The following PLCG2 variants were observed in gnomAD, a reference collection of about 807,000 sequenced individuals.
The protein encoded by PLCG2 is 1-phosphatidylinositol 4,5-bisphosphate phosphodiesterase gamma-2.
Under a neutral mutation model 175.6 loss-of-function variants are expected in PLCG2, and 69 were observed. The ratio of observed to expected loss-of-function variants is 0.39; its 90% confidence interval spans 0.32 to 0.48. The LOEUF is 0.48. Among genes scored for constraint, PLCG2 ranks in the 20% least tolerant of loss-of-function variants. PLCG2 has a pLI of 0.91. For missense variants in PLCG2, 1,798 were observed against 1,650.9 expected (o/e 1.09, Z -1.54); for synonymous variants, 827 against 624.0 (o/e 1.33, Z -4.85).
At chr16:81,844,143 ATTT>A (rs60183943) in intron 2 of PLCG2, among the ~76,000 whole-genome samples, 31 of 93,924 alleles carry the variant, frequency 3.3e-4, no homozygotes, top group Middle Eastern at 7.2e-3. Flanking sequence ...CACCCGGCTG[ATTT>A]TTTTTTTTTT....
rs189323331 is a variant in PLCG2 at position 81,807,058 on chromosome 16, A to G, written c.193+20876A>G. Among the ~76,000 whole-genome samples, 15 of 152,176 alleles carry G rather than the reference A, an allele frequency of 9.9e-5. No individual in the cohort carries two copies. In the East Asian group the frequency reaches 2.5e-3, roughly 25 times the overall value. ...GGCTTTCTCCTGAGTCGTCCATTCT[A>G]CCTTCTCGCCAAGGCTTCCTAGGTC... is the stretch of plus-strand genomic sequence containing the variant. On this transcript the variant is annotated intron_variant, in intron 2 of 32. Transcript: ENST00000564138.
In PLCG2 at chr16:81,859,150, A is replaced by T. The variant is rs1906834407; in HGVS notation, c.466A>T (p.Thr156Ser). 4 of 1,594,472 alleles carry T rather than the reference A, an allele frequency of 2.5e-6. No homozygotes were observed. Among genetic ancestry groups the T allele is most frequent in the Non-Finnish European group, 3.4e-6 (4 of 1,162,084 alleles). The change falls in exon 5 of 33, where the codon ACC becomes TCC. Residue 156 changes from threonine to serine, a missense_variant. Transcript: ENST00000564138. ...LRKQIYSVDQ[T>S]RRNSISLREL... Reference sequence around the variant, plus strand: ...AAAGCAGATATATTCTGTGGATCAAACCAGAAGAAACAGGTAAGAGTCATT... The same window carrying T: ...AAAGCAGATATATTCTGTGGATCAATCCAGAAGAAACAGGTAAGAGTCATT...
At chr16:81,844,143 A>ATTTTTTTTTTTTTTT (rs60183943) in intron 2 of PLCG2, among the ~76,000 whole-genome samples, 3 of 93,910 alleles carry the variant, frequency 3.2e-5, no homozygotes, top group Non-Finnish European at 6.0e-5. Flanking sequence ...CACCCGGCTG[A>ATTTTTTTTTTTTTTT]TTTTTTTTTT....
chr16:81,775,127 G>A (rs533535177), upstream of PLCG2, among the ~76,000 whole-genome samples: 2 of 152,184 alleles, frequency 1.3e-5, no homozygotes, highest in South Asian at 2.1e-4. Context: ...ACAGTACAGA[G>A]GCTTCAGCAC....
At chr16:81,823,628 C>T (rs571859710) in intron 2 of PLCG2, among the ~76,000 whole-genome samples, 4 of 152,100 alleles carry the variant, frequency 2.6e-5, no homozygotes, top group Admixed American at 2.0e-4. Context: ...TGGGCTCAAG[C>T]GATCTTCCCG....
intron 2 of PLCG2, among the ~76,000 whole-genome samples, chr16:81,846,376 C>T (rs370042119): frequency 3.3e-4 from 51 of 152,296 alleles, no homozygotes; most frequent in African/African-American, 9.9e-4. Context: ...TTATTCTGCT[C>T]GCCATCCCAC....
chr16:81,912,194 A>T (rs1390677914), intron 18 of PLCG2, among the ~76,000 whole-genome samples: 2 of 151,918 alleles, frequency 1.3e-5, no homozygotes, highest in East Asian at 3.9e-4. Context: ...TGGCCTCCCA[A>T]AGTGCTGGGA....
At chr16:81,907,799 G>C in intron 16 of PLCG2, 25 bp downstream of exon 16, 1 of 1,571,790 alleles carries the variant, frequency 6.4e-7, no homozygotes, top group Non-Finnish European at 8.7e-7. Context: ...TAGCCACATA[G>C]GGAGGAGGTC....
chr16:81,755,049 C>T (rs1266846167), intron 1 of PLCG2, among the ~76,000 whole-genome samples: 1 of 152,192 alleles, frequency 6.6e-6, no homozygotes, highest in East Asian at 1.9e-4. Context: ...GTCTGGAAAT[C>T]CTCACTTCCT....
rs1249917378 is a variant in PLCG2 at position 81,900,663 on chromosome 16, TC to T, written c.1246del (p.His416ThrfsTer15). On this transcript the variant is annotated frameshift_variant, in exon 14 of 33. Transcript: ENST00000564138. LOFTEE classifies it high-confidence loss of function. ...EEHCSVEQQRHMAKAFKEVFG... is the reference protein window; with the variant it reads ...EEHCSVEQQRXMAKAFKEVFG... ...AGCACTGCAGCGTGGAGCAACAGCG[TC>T]ACATGGCCAAGGCCTTCAAGGAAGT... 1 of 1,612,244 alleles carries T rather than the reference TC, an allele frequency of 6.2e-7. No individual in the cohort carries two copies. The highest frequency in any genetic ancestry group is 1.7e-5 in the Admixed American group (1 of 59,988).
chr16:81,780,162 A>G (rs1910665772), intron 1 of PLCG2, among the ~76,000 whole-genome samples: 1 of 152,116 alleles, frequency 6.6e-6, no homozygotes, highest in African/African-American at 2.4e-5. Context: ...GCGGGGTGGT[A>G]AAGGGGTGAC....
At chr16:81,876,518 A>G (rs909715715) in intron 7 of PLCG2, among the ~76,000 whole-genome samples, 1 of 152,186 alleles carries the variant, frequency 6.6e-6, no homozygotes, top group Non-Finnish European at 1.5e-5. Flanking sequence ...CGCCTCTGGC[A>G]TGGCCCCTTC....
intron 2 of PLCG2, among the ~76,000 whole-genome samples, chr16:81,818,860 C>CTTTG (rs1904666961): frequency 7.0e-6 from 1 of 142,182 alleles, no homozygotes; most frequent in Admixed American, 7.2e-5. Context: ...ATTCCTTTTC[C>CTTTG]ATAAGCTAGT....
intron 10 of PLCG2, 25 bp downstream of exon 10, chr16:81,889,298 C>T (rs1306502954): frequency 8.4e-6 from 11 of 1,309,302 alleles, no homozygotes; most frequent in African/African-American, 1.4e-5. Flanking sequence ...CTTGTTGTCG[C>T]TTGGGGGTGA....
At chr16:81,805,496 C>T (rs1475295056) in intron 2 of PLCG2, among the ~76,000 whole-genome samples, 20 of 129,452 alleles carry the variant, frequency 1.5e-4, no homozygotes. Flanking sequence ...GAGACTCCAT[C>T]TCAGAAAAAA....
intron 7 of PLCG2, 89 bp downstream of exon 7, chr16:81,871,024 A>G: frequency 7.5e-6 from 5 of 667,948 alleles, no homozygotes; most frequent in Non-Finnish European, 1.0e-5. Context: ...ACCCACAAGA[A>G]GTGTTGAATC....
intron 21 of PLCG2, among the ~76,000 whole-genome samples, chr16:81,923,193 C>A (rs1346161833): frequency 6.6e-6 from 1 of 151,894 alleles, no homozygotes; most frequent in East Asian, 1.9e-4. Context: ...TAAGCCTAAC[C>A]CTAACCCCAG....
intron 13 of PLCG2, 45 bp from the exon 14 acceptor site, chr16:81,900,567 G>A (rs1283179252): frequency 2.1e-5 from 33 of 1,539,770 alleles, no homozygotes; most frequent in Non-Finnish European, 2.8e-5. Flanking sequence ...AGATGCAGAG[G>A]TGTGTGCTCC....
intron 6 of PLCG2, 120 bp downstream of exon 6, chr16:81,869,418 A>G (rs1597364505): frequency 2.8e-6 from 2 of 724,904 alleles, no homozygotes; most frequent in Non-Finnish European, 5.0e-6. Context: ...CTTTGCCTCC[A>G]GAGTACATCT....
Sources: gnomAD v4.1 joint callset for allele counts (sites outside exome capture counted in the v4.1 genomes callset) on GRCh38, gnomAD v4.1.1 for gene constraint, MANE v1.5 for transcripts, NCBI Gene and HGNC (gene_info 2026-07-23, HGNC 2026-07-21) for gene names.